The following MOV10L1 variants were observed in gnomAD, a reference collection of about 807,000 sequenced individuals.
MOV10L1 encodes Mov10 like RNA helicase 1.
In MOV10L1, 110 loss-of-function variants were observed where a neutral mutation model predicts 143.8. That is an observed-to-expected ratio of 0.76 (90% CI 0.66 to 0.90). The LOEUF (loss-of-function observed/expected upper bound fraction) is 0.90. MOV10L1 is among the 40% of genes least tolerant of loss of function. The probability of loss-of-function intolerance (pLI) is 0.00; values close to 1 mark genes in which losing one functional copy is unlikely to be tolerated. For missense variants in MOV10L1, 1,406 were observed against 1,526.8 expected (o/e 0.92, Z 1.32); for synonymous variants, 593 against 581.1 (o/e 1.02, Z -0.29).
intron 5 of MOV10L1, among the ~76,000 whole-genome samples, chr22:50,111,643 A>C (rs1311829094): frequency 2.6e-5 from 4 of 151,694 alleles, no homozygotes; most frequent in Non-Finnish European, 5.9e-5. Context: ...AGCTGGGACT[A>C]TAGGCACCTG....
rs935656266 is a variant in MOV10L1, at chr22:50,149,781, G to A, written c.2727+67G>A. The A allele has an allele frequency of 9.1e-6, 13 of 1,420,938 alleles. 1 individual carries two copies. The East Asian group carries it at 1.4e-4, about 16-fold the overall frequency. 88.0% of individuals were successfully genotyped at this position (1,420,938 alleles called of 1,614,324 possible). On this transcript the variant is annotated intron_variant, in intron 20 of 26. Transcript: ENST00000262794. ...GTTCTCCTGAGGGGATGCAGGCTGCGATCCTGCCGGGAACAGTCACAGCTG... is the reference window on the plus strand; with the variant it reads ...GTTCTCCTGAGGGGATGCAGGCTGCAATCCTGCCGGGAACAGTCACAGCTG...
At chr22:50,144,742 C>T (rs1023539768) in intron 18 of MOV10L1, among the ~76,000 whole-genome samples, 7 of 152,012 alleles carry the variant, frequency 4.6e-5, no homozygotes, top group South Asian at 4.2e-4. Flanking sequence ...CCACTGCGCC[C>T]GGCTAATTTT....
At position 50,117,352 on chromosome 22, in the gene MOV10L1, G is replaced by A; in HGVS notation, c.1454+1G>A. ...CAGTTGTTGTGACCGCACAGAAAAG[G>A]TACCATAACTGAAATGAGTGTGGCT... On this transcript the variant is annotated splice_donor_variant, in intron 9 of 26. Transcript: ENST00000262794. LOFTEE classifies it high-confidence loss of function. 2 of 1,612,380 alleles carry A rather than the reference G, an allele frequency of 1.2e-6. No individual in the cohort carries two copies. Among genetic ancestry groups the A allele is most frequent in the Non-Finnish European group, 1.7e-6 (2 of 1,179,028 alleles).
At chr22:50,119,829 G>A (rs2062287998) in intron 9 of MOV10L1, among the ~76,000 whole-genome samples, 2 of 151,688 alleles carry the variant, frequency 1.3e-5, no homozygotes, top group Admixed American at 1.3e-4. Context: ...CACTGAAATG[G>A]AGAGCTGGGA....
At chr22:50,110,729 G>A (rs941434547) in intron 5 of MOV10L1, among the ~76,000 whole-genome samples, 1 of 151,956 alleles carries the variant, frequency 6.6e-6, no homozygotes. Context: ...TCAGGAGTTC[G>A]AGAACAGCCT....
At chr22:50,151,789 G>A (rs1007567112) in intron 21 of MOV10L1, among the ~76,000 whole-genome samples, 6 of 152,360 alleles carry the variant, frequency 3.9e-5, no homozygotes, top group African/African-American at 7.2e-5. Flanking sequence ...GCACGCTGCC[G>A]TCCCCACCAC....
chr22:50,116,189 A>C (rs1452055999), intron 8 of MOV10L1, among the ~76,000 whole-genome samples: 1 of 149,910 alleles, frequency 6.7e-6, no homozygotes, highest in Non-Finnish European at 1.5e-5. Flanking sequence ...AGCCAGCTTC[A>C]ATGCTTTTTT....
intron 22 of MOV10L1, among the ~76,000 whole-genome samples, chr22:50,156,119 CTT>C (rs35419031): frequency 2.1e-5 from 3 of 141,890 alleles, no homozygotes; most frequent in Admixed American, 7.1e-5. Context: ...ATGTTAAAAA[CTT>C]TTTTTTTTTT....
At chr22:50,090,265 T>C in intron 1 of MOV10L1, 80 bp downstream of exon 1, 1 of 1,431,646 alleles carries the variant, frequency 7.0e-7, no homozygotes, top group Non-Finnish European at 9.1e-7. Flanking sequence ...CATAGGTCTT[T>C]GAGTGCAGTG....
intron 5 of MOV10L1, among the ~76,000 whole-genome samples, 190 bp from the exon 6 acceptor site, chr22:50,113,458 T>G (rs948938910): frequency 2.0e-5 from 3 of 152,190 alleles, no homozygotes; most frequent in African/African-American, 7.2e-5. Flanking sequence ...TTCTCTAGAC[T>G]TTATGAAGTG....
At chr22:50,110,641 G>A (rs967530556) in intron 5 of MOV10L1, among the ~76,000 whole-genome samples, 3 of 151,972 alleles carry the variant, frequency 2.0e-5, no homozygotes, top group Non-Finnish European at 4.4e-5. Flanking sequence ...TAAAATTATT[G>A]GATTTCTGGC....
chr22:50,123,070 G>A (rs2062395533), intron 10 of MOV10L1, among the ~76,000 whole-genome samples: 1 of 151,968 alleles, frequency 6.6e-6, no homozygotes, highest in South Asian at 2.1e-4. Flanking sequence ...TGCTAGCTGG[G>A]TGTGATGGCA....
In MOV10L1 at chr22:50,113,716, T is replaced by C. The variant is rs2062085221; in HGVS notation, c.812T>C (p.Ile271Thr). 4.3e-6 allele frequency: 7 copies of C among 1,614,064 alleles called. No individual in the cohort carries two copies. In the East Asian group the frequency reaches 6.7e-5, roughly 15 times the overall value. ...ATTTTGCTGAAGAACAAAGGTGATA[T>C]TGAAGTTACACAGGTGACGCATTTT... ...GTILLKNKGD[I>T]EVTQVTHFGT... The change falls in exon 6 of 27, where the codon ATT becomes ACT. Residue 271 changes from isoleucine (I) to threonine (T), a missense_variant. Transcript: ENST00000262794.
intron 18 of MOV10L1, among the ~76,000 whole-genome samples, chr22:50,144,861 G>C (rs566665634): frequency 6.6e-6 from 1 of 152,090 alleles, no homozygotes; most frequent in Non-Finnish European, 1.5e-5. Flanking sequence ...GATTACAGGC[G>C]TGAGCCACCG....
At chr22:50,112,975 T>C (rs2062064239) in intron 5 of MOV10L1, among the ~76,000 whole-genome samples, 1 of 151,812 alleles carries the variant, frequency 6.6e-6, no homozygotes, top group Non-Finnish European at 1.5e-5. Flanking sequence ...CCTCACTGAG[T>C]TTGCAGCAGG....
intron 21 of MOV10L1, 59 bp downstream of exon 21, chr22:50,150,958 C>T (rs1168052088): frequency 2.5e-6 from 4 of 1,596,964 alleles, no homozygotes; most frequent in Non-Finnish European, 2.6e-6. Context: ...GGCTCCAGGG[C>T]AGTCGAGCAG....
rs190765998 is a variant in MOV10L1 at position 50,156,031 on chromosome 22, G to A, written c.3067-2026G>A. 2.7e-3 allele frequency among the ~76,000 whole-genome samples: 411 copies of A among 152,166 alleles called. 1 individual carries two copies. Among genetic ancestry groups the A allele is most frequent in the African/African-American group, 9.4e-3 (391 of 41,500 alleles). On this transcript the variant is annotated intron_variant, in intron 22 of 26. Transcript: ENST00000262794. ...CATGCCCTGGCACTTTAGTCTGGGC[G>A]ACAGAGTGAAACCCTGTCTCATTCA...
chr22:50,109,736 C>T (rs768128157), intron 5 of MOV10L1: 46 of 172,792 alleles, frequency 2.7e-4, no homozygotes, highest in Non-Finnish European at 3.3e-4. Flanking sequence ...CAGCTACACA[C>T]GAGGTTGAAG....
At chr22:50,145,872 T>C (rs2063139273) in intron 19 of MOV10L1, 62 bp downstream of exon 19, 1 of 1,599,886 alleles carries the variant, frequency 6.3e-7, no homozygotes, top group Admixed American at 1.7e-5. Context: ...AGTCCTCTCC[T>C]AGCTTCTGTC....
Sources: allele counts gnomAD v4.1 joint callset (sites outside exome capture counted in the v4.1 genomes callset), GRCh38; gene constraint gnomAD v4.1.1; transcripts MANE v1.5; gene names NCBI Gene and HGNC (gene_info 2026-07-23, HGNC 2026-07-21).